ADAM22: variants seen among roughly 807,000 people sequenced by gnomAD.
The protein encoded by ADAM22 is disintegrin and metalloproteinase domain-containing protein 22.
A neutral mutation model predicts 144.6 loss-of-function variants in ADAM22; 65 were observed. The observed-to-expected ratio is 0.45, with a 90% CI of 0.37 to 0.55. ADAM22 has a LOEUF of 0.55. ADAM22 is among the 20% of genes least tolerant of loss of function. The pLI, the probability that ADAM22 is intolerant of heterozygous loss-of-function variation, is 0.00. For synonymous variants in ADAM22, 391 were observed against 412.6 expected, an observed-to-expected ratio of 0.95 and a Z score of 0.63; for missense variants, 974 against 1,184.9, an observed-to-expected ratio of 0.82 and a Z score of 2.61.
At chr7:87,934,739 A>G in intron 1 of ADAM22, 189 bp downstream of exon 1, 1 of 650,490 alleles carries the variant, frequency 1.5e-6, no homozygotes, top group Non-Finnish European at 2.6e-6. Flanking sequence ...GCGCAGATGC[A>G]CTGGAAGCCT....
intron 3 of ADAM22, among the ~76,000 whole-genome samples, chr7:87,987,214 T>C (rs1788694645): frequency 6.6e-6 from 1 of 152,142 alleles, no homozygotes. Flanking sequence ...AGTCTCACTC[T>C]GTTGGCCAGG....
At chr7:88,176,063 C>T (rs940932680) in intron 26 of ADAM22, among the ~76,000 whole-genome samples, 3 of 152,104 alleles carry the variant, frequency 2.0e-5, no homozygotes, top group Admixed American at 6.5e-5. Context: ...ACCTCCGCCT[C>T]CCAGGTTCAA....
chr7:88,136,437 A>G (rs750658173), intron 14 of ADAM22, among the ~76,000 whole-genome samples: 23 of 152,108 alleles, frequency 1.5e-4, no homozygotes, highest in Non-Finnish European at 2.5e-4. Flanking sequence ...TAGTCCCACA[A>G]TGGCTGACTT....
At chr7:87,950,564 G>C (rs1253916438) in intron 2 of ADAM22, among the ~76,000 whole-genome samples, 5 of 150,032 alleles carry the variant, frequency 3.3e-5, no homozygotes, top group East Asian at 1.9e-4. Flanking sequence ...TTGGTTCCAA[G>C]TCTTTGCTAT....
chr7:88,134,244 C>T, intron 12 of ADAM22, 85 bp from the exon 13 acceptor site: 1 of 1,007,708 alleles, frequency 9.9e-7, no homozygotes, highest in Non-Finnish European at 1.5e-6. Context: ...TACTTATTTT[C>T]AGCGATATTG....
intron 8 of ADAM22, 66 bp from the exon 9 acceptor site, chr7:88,128,536 T>A: frequency 7.7e-7 from 1 of 1,301,442 alleles, no homozygotes; most frequent in Non-Finnish European, 1.1e-6. Context: ...TCTTCCATAT[T>A]TTTTAGCTTT....
rs765201623 is a variant in ADAM22 at position 88,114,664 on chromosome 7, T to C, written c.537+17T>C. 22 of 1,612,578 alleles carry C rather than the reference T, an allele frequency of 1.4e-5. No homozygotes were observed. In the East Asian group the frequency reaches 4.9e-4, roughly 36 times the overall value. On this transcript the variant is annotated intron_variant, in intron 6 of 31. Coordinates refer to ENST00000413139, the MANE Select transcript of ADAM22 (RefSeq NM_001324418.2). ...ACTACTCAAGTAAGTGCTCCTTCTG[T>C]TTGTTGTGGCAAATGGAAATGTTTA...
intron 22 of ADAM22, among the ~76,000 whole-genome samples, chr7:88,158,646 C>A (rs1298550445): frequency 6.6e-6 from 1 of 151,818 alleles, no homozygotes; most frequent in East Asian, 1.9e-4. Context: ...GCAACCTGGT[C>A]CTGAAATGAC....
At chr7:87,982,695 A>ATATG (rs1562916708) in intron 3 of ADAM22, among the ~76,000 whole-genome samples, 2 of 74,632 alleles carry the variant, frequency 2.7e-5, no homozygotes, top group Non-Finnish European at 5.1e-5. Context: ...ATATATATAT[A>ATATG]TATAATTTTT....
At chr7:88,003,852 G>A (rs755781580) in intron 3 of ADAM22, among the ~76,000 whole-genome samples, 2 of 152,082 alleles carry the variant, frequency 1.3e-5, no homozygotes, top group African/African-American at 2.4e-5. Flanking sequence ...ATATATAGAC[G>A]AACATATGGA....
intron 5 of ADAM22, 136 bp from the exon 6 acceptor site, chr7:88,114,448 T>G (rs1262914543): frequency 1.4e-5 from 10 of 714,544 alleles, no homozygotes; most frequent in African/African-American, 1.8e-5. Context: ...GTGTGGTGTG[T>G]CTGGAGGTGA....
chr7:87,971,223 T>C (rs1351044045), intron 2 of ADAM22, among the ~76,000 whole-genome samples: 1 of 152,212 alleles, frequency 6.6e-6, no homozygotes, highest in Non-Finnish European at 1.5e-5. Context: ...TCTTGTCATA[T>C]CTTCTAAAAA....
chr7:88,010,969 A>G (rs1795214438), intron 3 of ADAM22, among the ~76,000 whole-genome samples: 2 of 152,230 alleles, frequency 1.3e-5, no homozygotes, highest in South Asian at 4.1e-4. Context: ...TTTTGTGATT[A>G]GTAAATGTGG....
chr7:88,081,790 G>A (rs1321126203), intron 4 of ADAM22, among the ~76,000 whole-genome samples: 1 of 142,278 alleles, frequency 7.0e-6, no homozygotes, highest in Non-Finnish European at 1.5e-5. Context: ...GGGATGTGAA[G>A]GACCTCTTCA....
chr7:88,036,959 T>G (rs12669586), intron 3 of ADAM22, among the ~76,000 whole-genome samples: 67,271 of 151,908 alleles, frequency 0.44, 15,339 homozygotes, highest in East Asian at 0.59. Flanking sequence ...TTTGTAGTCT[T>G]CCCTCTCCAT....
intron 2 of ADAM22, among the ~76,000 whole-genome samples, chr7:87,939,890 C>T (rs990810687): frequency 2.6e-5 from 4 of 152,114 alleles, no homozygotes; most frequent in African/African-American, 9.7e-5. Flanking sequence ...AATTACTTTT[C>T]ACTTGTTAAG....
Position 88,151,298 on chromosome 7 carries a change from A to G in ADAM22, c.1659A>G (p.Gln553=), listed in dbSNP as rs913172902. ...GAAGATGCAAAACCAGAGATAGACAATGCAAATACATTTGGGGGCAAAGTA... is the reference window on the plus strand; with the variant it reads ...GAAGATGCAAAACCAGAGATAGACAGTGCAAATACATTTGGGGGCAAAGTA... The part of the protein sequence containing the change: ...FGGRCKTRDR[Q]CKYIWGQKVT... Residue 553 remains glutamine, a synonymous_variant, in exon 20 of 32, where the codon CAA becomes CAG. Transcript: ENST00000413139. 5.6e-6 allele frequency: 9 copies of G among 1,614,020 alleles called. No individual in the cohort carries two copies. Among genetic ancestry groups the G allele is most frequent in the African/African-American group, 1.3e-5 (1 of 74,938 alleles).
chr7:87,983,226 T>A (rs1008406997), intron 3 of ADAM22, among the ~76,000 whole-genome samples: 12 of 152,176 alleles, frequency 7.9e-5, no homozygotes, highest in African/African-American at 2.9e-4. Flanking sequence ...GAATTTATTG[T>A]ACTGTCACTA....
chr7:87,934,357 G>A lies in ADAM22; in HGVS notation c.-109G>A. On this transcript the variant is annotated 5_prime_UTR_variant, in exon 1 of 32. Transcript: ENST00000413139. ...GCCGCCGCAGCACCGGCCGGGGCTGGGTGGAGGTGGCCGCGGGGACCCCGG... is the reference window on the plus strand; with the variant it reads ...GCCGCCGCAGCACCGGCCGGGGCTGAGTGGAGGTGGCCGCGGGGACCCCGG... 1 of 1,039,410 alleles carries A rather than the reference G, an allele frequency of 9.6e-7. No homozygotes were observed. The highest frequency in any genetic ancestry group is 1.5e-5 in the South Asian group (1 of 65,470). The allele number at this position is 1,039,410 out of a possible 1,614,324, so 64.4% of individuals were successfully genotyped here.
Sources: allele counts gnomAD v4.1 joint callset (sites outside exome capture counted in the v4.1 genomes callset), GRCh38; gene constraint gnomAD v4.1.1; transcripts MANE v1.5; gene names NCBI Gene and HGNC (gene_info 2026-07-23, HGNC 2026-07-21).